The following ULK4 variants were observed in gnomAD, a reference collection of about 807,000 sequenced individuals.
ULK4 encodes the protein unc-51 like kinase 4, also known as inactive serine/threonine-protein kinase ULK4.
A neutral mutation model predicts 160.6 loss-of-function variants in ULK4; 133 were observed. The observed-to-expected ratio is 0.83, with a 90% CI of 0.72 to 0.96. The LOEUF is 0.96. Ranked by LOEUF, ULK4 falls within the 40% of genes least tolerant of loss-of-function variation. The probability of loss-of-function intolerance (pLI) is 0.00; values close to 1 mark genes in which losing one functional copy is unlikely to be tolerated. For missense variants in ULK4, 1,580 were observed against 1,499.5 expected, an observed-to-expected ratio of 1.05 and a Z score of -0.89; for synonymous variants, 534 against 539.8, an observed-to-expected ratio of 0.99 and a Z score of 0.15.
At chr3:41,911,048 T>A (rs4577439) in intron 11 of ULK4, among the ~76,000 whole-genome samples, 19,007 of 152,232 alleles carry the variant, frequency 0.12, 1,345 homozygotes, top group Middle Eastern at 0.27. Flanking sequence ...GAAGAGGCAT[T>A]AATTCTTACA....
chr3:41,287,305 TTC>T (rs1443328772), intron 35 of ULK4, among the ~76,000 whole-genome samples: 1 of 152,184 alleles, frequency 6.6e-6, no homozygotes, highest in African/African-American at 2.4e-5. Context: ...AGAAGAAACT[TTC>T]TGTTTAACTT....
chr3:41,873,919 G>A (rs1252609907), intron 17 of ULK4, among the ~76,000 whole-genome samples: 2 of 148,540 alleles, frequency 1.3e-5, no homozygotes, highest in African/African-American at 2.5e-5. Flanking sequence ...CACATAATTT[G>A]CAAGATTATC....
intron 30 of ULK4, among the ~76,000 whole-genome samples, chr3:41,641,514 C>A (rs553375291): frequency 6.6e-6 from 1 of 152,188 alleles, no homozygotes; most frequent in South Asian, 2.1e-4. Flanking sequence ...CTGGGCAACA[C>A]AGGGAGACCC....
At position 41,862,791 on chromosome 3, in the gene ULK4, C is replaced by T. The variant is rs55716460; in HGVS notation, c.1656+21083G>A. Among the ~76,000 whole-genome samples, 3 of 74,852 alleles carry T rather than the reference C, an allele frequency of 4.0e-5. No individual in the cohort carries two copies. In the African/African-American group the frequency reaches 6.4e-4, roughly 16 times the overall value. 49.1% of individuals were successfully genotyped at this position (74,852 alleles called of 152,430 possible). A position where few individuals can be genotyped will look rare whatever the true frequency, so the allele number is the denominator to read the frequency against. On this transcript the variant is annotated intron_variant, in intron 17 of 36. Coordinates refer to ENST00000301831, the MANE Select transcript of ULK4 (RefSeq NM_017886.4). ...TCTCTCTCTCTCTCTCTCTCCGCTC[C>T]CCCCCCCCTTTCTCTCTCTCTCTCC... is the stretch of plus-strand genomic sequence containing the variant.
intron 30 of ULK4, among the ~76,000 whole-genome samples, chr3:41,637,880 A>G (rs547703470): frequency 6.6e-6 from 1 of 152,202 alleles, no homozygotes; most frequent in Admixed American, 6.5e-5. Context: ...CCATTTTATC[A>G]TTGGGTTGGT....
At position 41,703,692 on chromosome 3, in the gene ULK4, G is replaced by C. The variant is rs575296295; in HGVS notation, c.2781+1365C>G. Among the ~76,000 whole-genome samples the C allele has an allele frequency of 2.0e-5, 3 of 152,082 alleles. No individual in the cohort carries two copies. In the South Asian group the frequency reaches 6.2e-4, roughly 32 times the overall value. On this transcript the variant is annotated intron_variant, in intron 27 of 36. Coordinates refer to ENST00000301831, the MANE Select transcript of ULK4 (RefSeq NM_017886.4). ...AAGAAACAGAAGCTATTAGCAAAAT[G>C]AAACAATGGCATTCTAAGCCATGTT...
chr3:41,893,177 T>G (rs1698028365), intron 16 of ULK4, among the ~76,000 whole-genome samples: 1 of 152,200 alleles, frequency 6.6e-6, no homozygotes, highest in Admixed American at 6.5e-5. Context: ...GGTAAAGAGC[T>G]TCTGTTTAAG....
At chr3:41,903,243 G>C (rs1024680034) in intron 12 of ULK4, among the ~76,000 whole-genome samples, 2 of 152,112 alleles carry the variant, frequency 1.3e-5, no homozygotes, top group Non-Finnish European at 2.9e-5. Flanking sequence ...TAATATAACT[G>C]AACATCCAAA....
chr3:41,885,968 G>A (rs1362633516), intron 16 of ULK4, among the ~76,000 whole-genome samples: 2 of 152,122 alleles, frequency 1.3e-5, no homozygotes, highest in Non-Finnish European at 2.9e-5. Context: ...GTGAGCTACT[G>A]CATCTGGCCT....
chr3:41,834,414 T>C (rs188824052), intron 18 of ULK4, among the ~76,000 whole-genome samples: 130 of 152,286 alleles, frequency 8.5e-4, no homozygotes, highest in Middle Eastern at 3.4e-3. Flanking sequence ...CTCAAAATCG[T>C]AACGATATTA....
At chr3:41,507,463 T>C (rs2085431563) in intron 32 of ULK4, among the ~76,000 whole-genome samples, 1 of 151,076 alleles carries the variant, frequency 6.6e-6, no homozygotes, top group Non-Finnish European at 1.5e-5. Flanking sequence ...CCAGTACTTC[T>C]CAACATTTAA....
In ULK4 at chr3:41,653,649, A is replaced by C. The variant is rs372448484; in HGVS notation, c.3071+9958T>G. 1.6e-3 allele frequency among the ~76,000 whole-genome samples: 241 copies of C among 152,338 alleles called. 2 individuals carry two copies. Among genetic ancestry groups the C allele is most frequent in the African/African-American group, 5.6e-3 (233 of 41,582 alleles). On this transcript the variant is annotated intron_variant, in intron 30 of 36. Transcript: ENST00000301831. Reference sequence around the variant, plus strand: ...AAGAATCAGCAAACATTTTCTGAAAAGTGTCCAGAAGTAAGTATTTTAGGC... The same window carrying C: ...AAGAATCAGCAAACATTTTCTGAAACGTGTCCAGAAGTAAGTATTTTAGGC...
intron 22 of ULK4, among the ~76,000 whole-genome samples, chr3:41,752,318 A>G (rs2038657798): frequency 6.6e-6 from 1 of 152,230 alleles, no homozygotes; most frequent in East Asian, 1.9e-4. Context: ...CAGAGGTAGC[A>G]AAGCCAGCAG....
At chr3:41,369,787 A>G (rs1028532909) in intron 35 of ULK4, among the ~76,000 whole-genome samples, 1 of 135,056 alleles carries the variant, frequency 7.4e-6, no homozygotes, top group Non-Finnish European at 1.6e-5. Context: ...GAGTGAGACT[A>G]TGTCTCAAAA....
At chr3:41,758,954 A>G (rs532934583) in intron 21 of ULK4, among the ~76,000 whole-genome samples, 1 of 152,304 alleles carries the variant, frequency 6.6e-6, no homozygotes, top group East Asian at 1.9e-4. Flanking sequence ...AATTACTAAT[A>G]AAAAACCATT....
intron 32 of ULK4, among the ~76,000 whole-genome samples, chr3:41,494,880 G>C (rs969183987): frequency 3.9e-5 from 6 of 152,078 alleles, no homozygotes; most frequent in African/African-American, 1.4e-4. Context: ...CAAGGGACGT[G>C]AAGGACCTCT....
intron 34 of ULK4, among the ~76,000 whole-genome samples, chr3:41,445,859 A>C (rs980558174): frequency 2.2e-4 from 33 of 151,992 alleles, no homozygotes; most frequent in East Asian, 3.9e-4. Context: ...GCAACAAAAG[A>C]CAAAATTGAC....
At chr3:41,961,353 G>A (rs2030433) in intron 1 of ULK4, among the ~76,000 whole-genome samples, 4,356 of 152,150 alleles carry the variant, frequency 0.029, 207 homozygotes, top group African/African-American at 0.1. Flanking sequence ...CATACACTAC[G>A]GCGGTAGGGC....
intron 30 of ULK4, among the ~76,000 whole-genome samples, chr3:41,627,905 G>A (rs1179118260): frequency 6.6e-6 from 1 of 152,136 alleles, no homozygotes; most frequent in Non-Finnish European, 1.5e-5. Flanking sequence ...GGAGGGTAAG[G>A]AGGACTACCA....
Sources: allele counts gnomAD v4.1 joint callset (sites outside exome capture counted in the v4.1 genomes callset), GRCh38; gene constraint gnomAD v4.1.1; transcripts MANE v1.5; gene names NCBI Gene and HGNC (gene_info 2026-07-23, HGNC 2026-07-21).